NPM2: variants seen among roughly 807,000 people sequenced by gnomAD.
The protein encoded by NPM2 is nucleophosmin/nucleoplasmin 2, also known as nucleoplasmin-2.
In NPM2, 25 loss-of-function variants were observed where a neutral mutation model predicts 32.0. The observed-to-expected ratio is 0.78, with a 90% CI of 0.57 to 1.09. The LOEUF is 1.09. NPM2 is among the 50% of genes least tolerant of loss of function. NPM2 has a pLI of 0.00. For synonymous variants in NPM2, 111 were observed against 94.2 expected, an observed-to-expected ratio of 1.18 and a Z score of -1.04; for missense variants, 282 against 259.9, an observed-to-expected ratio of 1.08 and a Z score of -0.58.
chr8:22,029,366 A>G (rs1800360103), intron 5 of NPM2, among the ~76,000 whole-genome samples: 2 of 151,486 alleles, frequency 1.3e-5, no homozygotes, highest in South Asian at 4.2e-4. Flanking sequence ...CTGGTCTTGA[A>G]CTCCTGAGCT....
chr8:22,026,077 C>G (rs1800241392), intron 5 of NPM2, among the ~76,000 whole-genome samples: 1 of 152,310 alleles, frequency 6.6e-6, no homozygotes, highest in East Asian at 1.9e-4. Context: ...AGCCAGCTAG[C>G]CAGCATTACC....
In NPM2 at chr8:22,024,335, A is replaced by G. The variant is rs1431275047; in HGVS notation, c.-429A>G. The G allele has an allele frequency of 6.6e-6, 1 of 152,476 alleles. No individual in the cohort carries two copies. Among genetic ancestry groups the G allele is most frequent in the African/African-American group, 2.4e-5 (1 of 41,468 alleles). 9.4% of individuals were successfully genotyped at this position (152,476 alleles called of 1,614,324 possible). On this transcript the variant is annotated 5_prime_UTR_variant, in exon 1 of 10. Transcript: ENST00000518119. Reference sequence around the variant, plus strand: ...AGGCATGGGGAAAGGAAAGGAAGAAAGGCAACGAACAAGAAGGAGGGCTTC... The same window carrying G: ...AGGCATGGGGAAAGGAAAGGAAGAAGGGCAACGAACAAGAAGGAGGGCTTC...
At chr8:22,027,632 G>C (rs1800298725) in intron 5 of NPM2, among the ~76,000 whole-genome samples, 1 of 148,354 alleles carries the variant, frequency 6.7e-6, no homozygotes, top group African/African-American at 2.5e-5. Context: ...CTGAGATGGA[G>C]TTTCACTCTT....
At chr8:22,033,435 C>A (rs1455211196) in intron 6 of NPM2, among the ~76,000 whole-genome samples, 1 of 152,184 alleles carries the variant, frequency 6.6e-6, no homozygotes, top group East Asian at 1.9e-4. Context: ...GCTGCAGCCC[C>A]TCACTTGTAA....
At position 22,036,783 on chromosome 8, in the gene NPM2, C is replaced by T. The variant is rs933113581; in HGVS notation, c.*101C>T. On this transcript the variant is annotated 3_prime_UTR_variant, in exon 10 of 10. Transcript: ENST00000518119. ...CAGCCCCTCCACCTGTGTCTGAATG[C>T]AACAGGGGTGTTGCGGGGGCAACAT... 8 of 1,216,232 alleles carry T rather than the reference C, an allele frequency of 6.6e-6. No homozygotes were observed. The highest frequency in any genetic ancestry group is 9.0e-6 in the Non-Finnish European group (8 of 890,078). 75.3% of individuals were successfully genotyped at this position (1,216,232 alleles called of 1,614,324 possible). A position where few individuals can be genotyped will look rare whatever the true frequency, so the allele number is the denominator to read the frequency against.
Position 22,036,786 on chromosome 8 carries a change from C to T in NPM2, c.*104C>T. The T allele has an allele frequency of 8.2e-7, 1 of 1,215,512 alleles. No homozygotes were observed. Among genetic ancestry groups the T allele is most frequent in the East Asian group, 2.7e-5 (1 of 37,320 alleles). 75.3% of individuals were successfully genotyped at this position (1,215,512 alleles called of 1,614,324 possible). A position where few individuals can be genotyped will look rare whatever the true frequency, so the allele number is the denominator to read the frequency against. ...CCCCTCCACCTGTGTCTGAATGCAACAGGGGTGTTGCGGGGGCAACATGAG... is the reference window on the plus strand; with the variant it reads ...CCCCTCCACCTGTGTCTGAATGCAATAGGGGTGTTGCGGGGGCAACATGAG... On this transcript the variant is annotated 3_prime_UTR_variant, in exon 10 of 10. Transcript: ENST00000518119.
rs139630819 is a variant in NPM2, at chr8:22,036,691, G to A, written c.*9G>A. On this transcript the variant is annotated 3_prime_UTR_variant, in exon 10 of 10. Coordinates refer to ENST00000518119, the MANE Select transcript of NPM2 (RefSeq NM_001286680.2). ...CAGGATTCAAGAAATGAGGAGCCAC[G>A]CCTTGGGGGGCACGGTGCAAAGTGG... is the stretch of plus-strand genomic sequence containing the variant. 2.8e-3 allele frequency: 4,372 copies of A among 1,545,552 alleles called. 19 individuals carry two copies. Among genetic ancestry groups the A allele is most frequent in the East Asian group, 0.016 (671 of 40,884 alleles).
At chr8:22,032,390 G>C (rs573265960) in intron 5 of NPM2, among the ~76,000 whole-genome samples, 6 of 152,108 alleles carry the variant, frequency 3.9e-5, no homozygotes, top group Non-Finnish European at 8.8e-5. Context: ...GGGGTTTCAC[G>C]CTCGTGTGTA....
intron 8 of NPM2, 103 bp downstream of exon 8, chr8:22,034,647 C>A: frequency 1.0e-6 from 1 of 967,018 alleles, no homozygotes; most frequent in Non-Finnish European, 1.6e-6. Context: ...AATGTACACA[C>A]GGTGTGTCTA....
chr8:22,034,400 C>T lies in NPM2; in HGVS notation c.532-110C>T, dbSNP rs978614091. The T allele has an allele frequency of 4.4e-6, 6 of 1,366,152 alleles. No individual in the cohort carries two copies. In the Admixed American group the frequency reaches 5.8e-5, roughly 13 times the overall value. The allele number at this position is 1,366,152 out of a possible 1,614,324, so 84.6% of individuals were successfully genotyped here. A position where few individuals can be genotyped will look rare whatever the true frequency, so the allele number is the denominator to read the frequency against. ...AGTGTACAGGATGGGCCAAGGCCAC[C>T]TCAGCTAGTTCTGGCCAGGAGCTCA... On this transcript the variant is annotated intron_variant, in intron 7 of 9. Transcript: ENST00000518119.
intron 7 of NPM2, 72 bp downstream of exon 7, chr8:22,034,347 C>T (rs562496939): frequency 2.8e-5 from 41 of 1,476,118 alleles, no homozygotes; most frequent in Middle Eastern, 2.2e-4. Flanking sequence ...GGTGGGCCAC[C>T]GGGAGCCTGG....
chr8:22,036,443 C>A (rs370996412), intron 8 of NPM2, 50 bp from the exon 9 acceptor site: 724 of 1,575,608 alleles, frequency 4.6e-4, no homozygotes, highest in Non-Finnish European at 6.0e-4. Flanking sequence ...TGGAGCTGAG[C>A]TCTCTCCCTG....
chr8:22,025,863 A>G (rs1800232692), intron 5 of NPM2, 91 bp downstream of exon 5: 1 of 1,561,652 alleles, frequency 6.4e-7, no homozygotes. Context: ...CATTCACCCT[A>G]CAGAAATGAG....
chr8:22,028,194 T>C (rs1800318630), intron 5 of NPM2, among the ~76,000 whole-genome samples: 1 of 152,146 alleles, frequency 6.6e-6, no homozygotes, highest in East Asian at 1.9e-4. Flanking sequence ...ACTCATTCGT[T>C]TGTACCCTGT....
At chr8:22,034,968 C>T (rs761606819) in intron 8 of NPM2, among the ~76,000 whole-genome samples, 2 of 152,166 alleles carry the variant, frequency 1.3e-5, no homozygotes, top group Middle Eastern at 3.4e-3. Flanking sequence ...ATTAACCGAG[C>T]CTGGTGGCAT....
intron 5 of NPM2, among the ~76,000 whole-genome samples, chr8:22,030,205 G>T (rs535670351): frequency 6.6e-6 from 1 of 152,084 alleles, no homozygotes; most frequent in African/African-American, 2.4e-5. Context: ...GCTTCTGCTG[G>T]TTTTTTCTGC....
chr8:22,026,740 T>C (rs1800270156), intron 5 of NPM2, among the ~76,000 whole-genome samples: 1 of 152,136 alleles, frequency 6.6e-6, no homozygotes, highest in African/African-American at 2.4e-5. Flanking sequence ...CAGGCGTGAG[T>C]CACCACGCCA....
At position 22,033,351 on chromosome 8, in the gene NPM2, C is replaced by T. The variant is rs1007395371; in HGVS notation, c.364+128C>T. ...AAGAAAATCCCCAAAGGCAACATGA[C>T]AGCCAGCAGCCTGGACTGGAAGGCA... is the stretch of plus-strand genomic sequence containing the variant. On this transcript the variant is annotated intron_variant, in intron 6 of 9. Transcript: ENST00000518119. 7.9e-6 allele frequency: 6 copies of T among 757,488 alleles called. No homozygotes were observed. In the Admixed American group the frequency reaches 1.0e-4, roughly 13 times the overall value. The allele number at this position is 757,488 out of a possible 1,614,324, so 46.9% of individuals were successfully genotyped here.
intron 8 of NPM2, among the ~76,000 whole-genome samples, chr8:22,035,270 A>G (rs891545306): frequency 6.6e-6 from 1 of 152,118 alleles, no homozygotes; most frequent in African/African-American, 2.4e-5. Context: ...GTATGTGTAT[A>G]GTTTTGGTTT....
Sources: allele counts gnomAD v4.1 joint callset (sites outside exome capture counted in the v4.1 genomes callset), GRCh38; gene constraint gnomAD v4.1.1; transcripts MANE v1.5; gene names NCBI Gene and HGNC (gene_info 2026-07-23, HGNC 2026-07-21).